FRMD5: variants seen among roughly 807,000 people sequenced by gnomAD.
FRMD5 encodes FERM domain containing 5.
A neutral mutation model predicts 69.0 loss-of-function variants in FRMD5; 20 were observed. The ratio of observed to expected loss-of-function variants is 0.29; its 90% CI spans 0.20 to 0.42. The LOEUF is 0.42. Ranked by LOEUF, FRMD5 falls within the 10% of genes least tolerant of loss-of-function variation. The probability of loss-of-function intolerance (pLI) is 1.00; values close to 1 mark genes in which losing one functional copy is unlikely to be tolerated. For synonymous variants in FRMD5, 271 were observed against 260.1 expected, an observed-to-expected ratio of 1.04 and a Z score of -0.40; for missense variants, 595 against 708.6, an observed-to-expected ratio of 0.84 and a Z score of 1.82.
In FRMD5 at chr15:44,195,146, C is replaced by A; in HGVS notation, c.-92G>T. 2 of 966,746 alleles carry A rather than the reference C, an allele frequency of 2.1e-6. No individual in the cohort carries two copies. The highest frequency in any genetic ancestry group is 2.9e-6 in the Non-Finnish European group (2 of 680,634). The allele number at this position is 966,746 out of a possible 1,614,324, so 59.9% of individuals were successfully genotyped here. A position where few individuals can be genotyped will look rare whatever the true frequency, so the allele number is the denominator to read the frequency against. On this transcript the variant is annotated 5_prime_UTR_variant, in exon 1 of 14. Coordinates refer to ENST00000417257, the MANE Select transcript of FRMD5 (RefSeq NM_032892.5). ...CCGGCAGCTCCGCACCGACCCCAGG[C>A]ACCTGCACCATCACCCCGGCCCCGT... is the stretch of plus-strand genomic sequence containing the variant.
At chr15:43,950,954 G>C (rs777102187) in intron 1 of FRMD5, among the ~76,000 whole-genome samples, 2 of 152,146 alleles carry the variant, frequency 1.3e-5, no homozygotes, top group African/African-American at 2.4e-5. Flanking sequence ...ATTAATCTTG[G>C]TTTCTTCCCT....
intron 1 of FRMD5, among the ~76,000 whole-genome samples, chr15:44,169,026 A>C (rs2077756455): frequency 6.6e-6 from 1 of 152,170 alleles, no homozygotes; most frequent in Admixed American, 6.6e-5. Flanking sequence ...TCCTGTGTTC[A>C]CGTGCAATCA....
intron 1 of FRMD5, among the ~76,000 whole-genome samples, chr15:43,944,969 T>C (rs1332914539): frequency 6.6e-6 from 1 of 151,476 alleles, no homozygotes; most frequent in Non-Finnish European, 1.5e-5. Context: ...TTTTTTTTTT[T>C]GATAGAGGGG....
chr15:44,027,914 G>C (rs549114997), intron 1 of FRMD5, among the ~76,000 whole-genome samples: 2 of 152,146 alleles, frequency 1.3e-5, no homozygotes, highest in Admixed American at 1.3e-4. Context: ...AAAGTGCTGG[G>C]ATTACAGGCA....
chr15:44,048,283 T>G (rs995472967), intron 1 of FRMD5, among the ~76,000 whole-genome samples: 10 of 152,322 alleles, frequency 6.6e-5, no homozygotes, highest in African/African-American at 2.4e-4. Context: ...TATCTCACTG[T>G]CGTTTTGATT....
At chr15:43,879,584 G>A in intron 13 of FRMD5, 1 of 399,038 alleles carries the variant, frequency 2.5e-6, no homozygotes, top group Non-Finnish European at 4.4e-6. Flanking sequence ...TCCTCAGGAT[G>A]CGCACACTTA....
intron 1 of FRMD5, among the ~76,000 whole-genome samples, chr15:44,051,808 T>C (rs1050731447): frequency 1.3e-5 from 2 of 152,144 alleles, no homozygotes; most frequent in Non-Finnish European, 2.9e-5. Flanking sequence ...ACTGAGCTTA[T>C]AGGTTTTTAT....
chr15:44,194,371 G>C (rs1191898445), intron 1 of FRMD5: 1 of 155,106 alleles, frequency 6.4e-6, no homozygotes, highest in Non-Finnish European at 1.4e-5. Context: ...AGGCGGGAGG[G>C]GGCCTAAATC....
intron 1 of FRMD5, among the ~76,000 whole-genome samples, chr15:43,934,531 C>T (rs7171948): frequency 0.019 from 2,923 of 152,232 alleles, 94 homozygotes; most frequent in African/African-American, 0.067. Flanking sequence ...CTAAAAAACT[C>T]AGGGCCATTG....
chr15:44,053,365 G>T (rs1346634744), intron 1 of FRMD5, among the ~76,000 whole-genome samples: 1 of 152,130 alleles, frequency 6.6e-6, no homozygotes, highest in African/African-American at 2.4e-5. Flanking sequence ...AGGGTGGGAT[G>T]GGTAGTGACA....
intron 1 of FRMD5, among the ~76,000 whole-genome samples, chr15:44,190,342 G>A (rs1405618022): frequency 1.3e-5 from 2 of 152,094 alleles, no homozygotes; most frequent in Non-Finnish European, 1.5e-5. Flanking sequence ...TCTTTTATGG[G>A]GTACTAAGGG....
intron 1 of FRMD5, among the ~76,000 whole-genome samples, chr15:44,062,025 G>C (rs1258732091): frequency 6.6e-6 from 1 of 152,186 alleles, no homozygotes; most frequent in Non-Finnish European, 1.5e-5. Context: ...TGGGAAATGT[G>C]AGAAATTGTA....
intron 1 of FRMD5, among the ~76,000 whole-genome samples, chr15:43,948,370 C>T (rs2089978810): frequency 6.6e-6 from 1 of 152,132 alleles, no homozygotes; most frequent in African/African-American, 2.4e-5. Context: ...TTCTGCCACC[C>T]ACCATTACTT....
intron 8 of FRMD5, 83 bp downstream of exon 8, chr15:43,891,898 T>A: frequency 8.7e-7 from 1 of 1,148,792 alleles, no homozygotes; most frequent in Non-Finnish European, 1.3e-6. Flanking sequence ...AACTGCCCAA[T>A]CACAGACAAA....
chr15:44,100,567 C>T (rs1566945993), intron 1 of FRMD5, among the ~76,000 whole-genome samples: 1 of 152,156 alleles, frequency 6.6e-6, no homozygotes, highest in Admixed American at 6.5e-5. Context: ...ACAAGCTGCT[C>T]CTCTGAACTA....
In FRMD5 at chr15:43,874,476, A is replaced by G; in HGVS notation, c.1136-14T>C. The G allele has an allele frequency of 6.2e-7, 1 of 1,601,412 alleles. No homozygotes were observed. The highest frequency in any genetic ancestry group is 8.6e-7 in the Non-Finnish European group (1 of 1,168,560). On this transcript the variant is annotated splice_polypyrimidine_tract_variant and intron_variant, in intron 13 of 13. Coordinates refer to ENST00000417257, the MANE Select transcript of FRMD5 (RefSeq NM_032892.5). ...AGGACTCTAGGCCTAGAAAGGCAAA[A>G]GGAACATGAGTAGGCTGTGTCCCAA... is the stretch of plus-strand genomic sequence containing the variant.
intron 1 of FRMD5, among the ~76,000 whole-genome samples, chr15:44,191,591 T>C (rs769972065): frequency 1.3e-5 from 2 of 151,064 alleles, no homozygotes; most frequent in Non-Finnish European, 3.0e-5. Context: ...ACCTCAAAAA[T>C]AATAATAATA....
At chr15:44,128,946 G>A (rs1343635303) in intron 1 of FRMD5, among the ~76,000 whole-genome samples, 1 of 152,300 alleles carries the variant, frequency 6.6e-6, no homozygotes, top group East Asian at 1.9e-4. Flanking sequence ...AAGGTAGGCA[G>A]TGTTAACCAA....
intron 1 of FRMD5, among the ~76,000 whole-genome samples, chr15:44,024,275 T>C (rs1468056406): frequency 6.6e-6 from 1 of 152,106 alleles, no homozygotes; most frequent in Non-Finnish European, 1.5e-5. Flanking sequence ...TCCATCCCCC[T>C]CATAATATTG....
Sources: allele counts gnomAD v4.1 joint callset (sites outside exome capture counted in the v4.1 genomes callset), GRCh38; gene constraint gnomAD v4.1.1; transcripts MANE v1.5; gene names NCBI Gene and HGNC (gene_info 2026-07-23, HGNC 2026-07-21).